Variants in BRF1 observed in about 807,000 individuals in gnomAD.
BRF1 encodes transcription factor IIIB 90 kDa subunit.
BRF1 carries 59 observed loss-of-function variants against 81.7 expected under a neutral mutation model. The ratio of observed to expected loss-of-function variants is 0.72; its 90% CI spans 0.59 to 0.90. The LOEUF (loss-of-function observed/expected upper bound fraction) is 0.90, where lower values mean the gene tolerates loss of function less well. Ranked by LOEUF, BRF1 falls within the 40% of genes least tolerant of loss-of-function variation. The pLI is 0.00. For synonymous variants in BRF1, 491 were observed against 395.6 expected (o/e 1.24, Z -2.86); for missense variants, 1,050 against 936.3 (o/e 1.12, Z -1.58).
In BRF1 at chr14:105,226,740, G is replaced by A. The variant is rs1893164608; in HGVS notation, c.809C>T (p.Thr270Ile). The change falls in exon 8 of 18, where the codon ACC becomes ATC. Residue 270 changes from threonine (T) to isoleucine (I), a missense_variant. Around this residue, in one of 2 missense-constraint regions of BRF1, gnomAD observed 1,043 missense variants for 915.4 expected, o/e 1.14. Coordinates refer to ENST00000547530, the MANE Select transcript of BRF1 (RefSeq NM_001519.4). ...LRKRLTEFED[T>I]PTSQLTIDEF... is the part of the protein sequence containing the mutation. ...ATCAATGGTCAACTGACTGGTGGGG[G>A]TGTCTTCAAATTCCGTGAGCCTAAA... 1 of 1,613,702 alleles carries A rather than the reference G, an allele frequency of 6.2e-7. No individual in the cohort carries two copies. The highest frequency in any genetic ancestry group is 8.5e-7 in the Non-Finnish European group (1 of 1,180,008).
At chr14:105,311,160 G>A (rs1265888425) in intron 1 of BRF1, among the ~76,000 whole-genome samples, 2 of 152,062 alleles carry the variant, frequency 1.3e-5, no homozygotes, top group African/African-American at 2.4e-5. Flanking sequence ...CACTATGTTG[G>A]CCAGGATGGT....
intron 1 of BRF1, among the ~76,000 whole-genome samples, chr14:105,288,367 G>A (rs1473040412): frequency 1.3e-5 from 2 of 151,944 alleles, no homozygotes; most frequent in Non-Finnish European, 2.9e-5. Flanking sequence ...CAGGAGAATC[G>A]CTTGAACCCA....
intron 15 of BRF1, among the ~76,000 whole-genome samples, chr14:105,215,133 A>C (rs1890882867): frequency 6.6e-6 from 1 of 152,206 alleles, no homozygotes; most frequent in African/African-American, 2.4e-5. Flanking sequence ...TAAAGCAGGA[A>C]GCAGTGCACG....
chr14:105,227,802 A>G (rs993531295), intron 7 of BRF1: 15 of 152,268 alleles, frequency 9.9e-5, no homozygotes, highest in African/African-American at 3.6e-4. Flanking sequence ...TTTTTACAGA[A>G]TCAATGGTCA....
Position 105,300,526 on chromosome 14 carries a change from T to C in BRF1, c.104A>G (p.Asn35Ser), listed in dbSNP as rs771740040. ...CTACGSVLED[N>S]IIVSEVQFVE... ...GAACTGCACCTCGGACACGATGATG[T>C]TGTCCTCCAGCACTGAGCCGCAGGC... Residue 35 changes from asparagine (N) to serine (S), a missense_variant, in exon 1 of 18, where the codon AAC (asparagine) becomes AGC (serine). This residue lies in a region of BRF1 where 1,043 missense variants were observed against 915.4 expected (regional missense o/e 1.14). Coordinates refer to ENST00000547530, the MANE Select transcript of BRF1 (RefSeq NM_001519.4). The C allele has an allele frequency of 1.1e-4, 172 of 1,537,836 alleles. No individual in the cohort carries two copies. Among genetic ancestry groups the C allele is most frequent in the Non-Finnish European group, 1.0e-4 (120 of 1,144,712 alleles).
In BRF1 at chr14:105,273,526, TAA is replaced by T. The variant is rs34754877; in HGVS notation, c.266-634_266-633del. Among the ~76,000 whole-genome samples, 905 of 152,166 alleles carry T rather than the reference TAA, an allele frequency of 5.9e-3. 11 individuals are homozygous for T. Among genetic ancestry groups the T allele is most frequent in the African/African-American group, 0.021 (867 of 41,480 alleles). On this transcript the variant is annotated intron_variant, in intron 2 of 17. Transcript: ENST00000547530. ...TGTGTCTATGCAGAAAGGGAAGACATAAGAGACTCCATTTTGACCTGTGCCCT... is the reference window on the plus strand; with the variant it reads ...TGTGTCTATGCAGAAAGGGAAGACATGAGACTCCATTTTGACCTGTGCCCT...
chr14:105,242,471 T>C (rs2054750207), intron 5 of BRF1: 1 of 151,976 alleles, frequency 6.6e-6, no homozygotes, highest in Non-Finnish European at 1.5e-5. Flanking sequence ...GCGCGGTGGC[T>C]CACACCTCTA....
chr14:105,294,424 C>T (rs1174158234), intron 1 of BRF1, among the ~76,000 whole-genome samples: 1 of 152,252 alleles, frequency 6.6e-6, no homozygotes, highest in African/African-American at 2.4e-5. Flanking sequence ...GGGCAGTGCG[C>T]TGTCACCAGG....
chr14:105,248,391 G>A (rs918413649), intron 5 of BRF1: 21 of 985,290 alleles, frequency 2.1e-5, no homozygotes, highest in Non-Finnish European at 2.5e-5. Context: ...GCCTGCCAGC[G>A]CCGGGAGCCG....
chr14:105,243,739 T>TG (rs2054882656), intron 5 of BRF1, among the ~76,000 whole-genome samples: 1 of 152,080 alleles, frequency 6.6e-6, no homozygotes, highest in East Asian at 1.9e-4. Context: ...CTCACACCTG[T>TG]AATCCCAGCA....
At chr14:105,247,809 A>G (rs1050862694) in intron 5 of BRF1, 6 of 985,468 alleles carry the variant, frequency 6.1e-6, no homozygotes, top group African/African-American at 1.7e-5. Context: ...GGCATGCACC[A>G]GCTGTGCGGC....
At position 105,241,269 on chromosome 14, in the gene BRF1, T is replaced by C. The variant is rs1449735523; in HGVS notation, c.690A>G (p.Gly230=). ...HTGRRPSGLC[G]AALLVAARMH... Reference sequence around the variant, plus strand: ...GGCAGGCAGGGCCCGCTGTACCTGCTCCGCAGAGGCCCGAGGGGCGCCGGC... The same window carrying C: ...GGCAGGCAGGGCCCGCTGTACCTGCCCCGCAGAGGCCCGAGGGGCGCCGGC... The change falls in exon 6 of 18, where the codon GGA becomes GGG. Residue 230 remains glycine, a synonymous_variant. Coordinates refer to ENST00000547530, the MANE Select transcript of BRF1 (RefSeq NM_001519.4). The C allele has an allele frequency of 1.9e-5, 30 of 1,611,404 alleles. No homozygotes were observed. The highest frequency in any genetic ancestry group is 2.4e-5 in the Non-Finnish European group (28 of 1,179,712).
At position 105,217,749 on chromosome 14, in the gene BRF1, C is replaced by G; in HGVS notation, c.1567G>C (p.Glu523Gln). 1 of 1,613,392 alleles carries G rather than the reference C, an allele frequency of 6.2e-7. No homozygotes were observed. The highest frequency in any genetic ancestry group is 8.5e-7 in the Non-Finnish European group (1 of 1,180,012). The change falls in exon 15 of 18, where the codon GAG (glutamate) becomes CAG (glutamine). Residue 523 changes from glutamate (E) to glutamine (Q), a missense_variant. By Grantham distance (29) the Glu-to-Gln change is conservative. Around this residue, in one of 2 missense-constraint regions of BRF1, gnomAD observed 1,043 missense variants for 915.4 expected, o/e 1.14. Transcript: ENST00000547530. The stretch of plus-strand genomic sequence containing the variant: ...TGCTCCAGCATCTTCTCGATGGCCT[C>G]CCTGGCGGTACTGGCCTGAATTGGC... ...REPIQASTAR[E>Q]AIEKMLEQKK...
chr14:105,264,128 G>A (rs2056290823), intron 3 of BRF1, among the ~76,000 whole-genome samples: 1 of 152,108 alleles, frequency 6.6e-6, no homozygotes, highest in South Asian at 2.1e-4. Flanking sequence ...GCTTATCAAT[G>A]ACTTTCACCT....
At chr14:105,211,398 G>T in intron 16 of BRF1, 105 bp from the exon 17 acceptor site, 1 of 1,113,234 alleles carries the variant, frequency 9.0e-7, no homozygotes, top group Non-Finnish European at 1.2e-6. Context: ...AGCCACTCCC[G>T]CCACACCAGT....
intron 5 of BRF1, chr14:105,250,325 G>A: frequency 6.2e-7 from 1 of 1,613,472 alleles, no homozygotes; most frequent in Non-Finnish European, 8.5e-7. Context: ...GGTATTTATT[G>A]CAGGGCTGGG....
chr14:105,214,525 C>A (rs867225149), intron 15 of BRF1, among the ~76,000 whole-genome samples: 5 of 58,374 alleles, frequency 8.6e-5, no homozygotes, highest in African/African-American at 4.9e-4. Flanking sequence ...CACACCCCTG[C>A]GTGGCTCAGC....
chr14:105,314,002 A>G (rs2058433453), intron 1 of BRF1, among the ~76,000 whole-genome samples: 1 of 152,260 alleles, frequency 6.6e-6, no homozygotes. Flanking sequence ...CCTGAGCACA[A>G]CGCTGAAAAG....
At chr14:105,212,026 C>T in intron 16 of BRF1, 87 bp downstream of exon 16, 1 of 1,552,974 alleles carries the variant, frequency 6.4e-7, no homozygotes, top group Non-Finnish European at 8.7e-7. Flanking sequence ...CCTGCTCTCC[C>T]TGTGGTCACA....
Sources: allele counts gnomAD v4.1 joint callset (sites outside exome capture counted in the v4.1 genomes callset), GRCh38; gene constraint gnomAD v4.1.1; regional missense constraint gnomAD v4.1.1; transcripts MANE v1.5; gene names NCBI Gene and HGNC (gene_info 2026-07-23, HGNC 2026-07-21).